The following SHC3 variants were observed in gnomAD, a reference collection of about 807,000 sequenced individuals.
SHC3 encodes SHC adaptor protein 3, also known as SHC-transforming protein 3.
In SHC3, 15 loss-of-function variants were observed where a neutral mutation model predicts 60.4. The observed-to-expected ratio is 0.25, with a 90% CI of 0.17 to 0.38. The LOEUF (loss-of-function observed/expected upper bound fraction) is 0.38. SHC3 is among the 10% of genes least tolerant of loss of function. The pLI is 1.00. For synonymous variants in SHC3, 294 were observed against 325.9 expected (o/e 0.90, Z 1.05); for missense variants, 677 against 786.1 (o/e 0.86, Z 1.66).
chr9:89,073,291 T>A (rs577816929), intron 4 of SHC3, among the ~76,000 whole-genome samples: 2 of 152,350 alleles, frequency 1.3e-5, no homozygotes, highest in African/African-American at 4.8e-5. Context: ...TATTGTGTGA[T>A]TGTATGTTAT....
At chr9:89,094,153 TC>T (rs1825667146) in intron 2 of SHC3, among the ~76,000 whole-genome samples, 1 of 150,500 alleles carries the variant, frequency 6.6e-6, no homozygotes, top group Admixed American at 6.6e-5. Flanking sequence ...CTATGAGACC[TC>T]AACAAATTCA....
chr9:89,163,524 C>T (rs1400648079), intron 1 of SHC3, among the ~76,000 whole-genome samples: 1 of 135,660 alleles, frequency 7.4e-6, no homozygotes, highest in Admixed American at 8.6e-5. Context: ...TATTCTCACT[C>T]ATAGGTGGGA....
At chr9:89,085,426 T>C (rs1825513343) in intron 2 of SHC3, among the ~76,000 whole-genome samples, 1 of 152,196 alleles carries the variant, frequency 6.6e-6, no homozygotes, top group South Asian at 2.1e-4. Context: ...GGCCAGTCTG[T>C]CTCCCGTGCT....
intron 1 of SHC3, among the ~76,000 whole-genome samples, chr9:89,117,783 T>C (rs1233909417): frequency 2.0e-5 from 3 of 152,182 alleles, no homozygotes; most frequent in African/African-American, 7.2e-5. Context: ...ATTTGTTTTA[T>C]TTAATGTTTT....
intron 1 of SHC3, among the ~76,000 whole-genome samples, chr9:89,145,010 A>G (rs1445786263): frequency 6.6e-6 from 1 of 152,226 alleles, no homozygotes; most frequent in Non-Finnish European, 1.5e-5. Flanking sequence ...CATGATGGAG[A>G]GAATTTTTTT....
intron 1 of SHC3, among the ~76,000 whole-genome samples, chr9:89,145,541 T>C (rs1019665042): frequency 2.0e-5 from 3 of 151,668 alleles, no homozygotes; most frequent in African/African-American, 7.3e-5. Context: ...TAAAAGAAAA[T>C]GTAAGAGATA....
chr9:89,128,288 T>C (rs1200057811), intron 1 of SHC3, among the ~76,000 whole-genome samples: 1 of 152,172 alleles, frequency 6.6e-6, no homozygotes, highest in Non-Finnish European at 1.5e-5. Flanking sequence ...GTTTGCTAAA[T>C]GGTTTTAAAG....
At position 89,031,379 on chromosome 9, in the gene SHC3, A is replaced by G. The variant is rs373334592; in HGVS notation, c.1656+6614T>C. 9.2e-5 allele frequency among the ~76,000 whole-genome samples: 14 copies of G among 152,236 alleles called. No homozygotes were observed. The East Asian group carries it at 1.5e-3, about 17-fold the overall frequency. On this transcript the variant is annotated intron_variant, in intron 11 of 11. Transcript: ENST00000375835. ...AAAAGAAATGCCATACCTTTCAGCTATCACCTCCCTGTCCTCCCATCCCTT... is the reference window on the plus strand; with the variant it reads ...AAAAGAAATGCCATACCTTTCAGCTGTCACCTCCCTGTCCTCCCATCCCTT...
chr9:89,099,778 G>C (rs1272576978), intron 2 of SHC3, among the ~76,000 whole-genome samples: 1 of 152,182 alleles, frequency 6.6e-6, no homozygotes, highest in Non-Finnish European at 1.5e-5. Context: ...ATTAACATGT[G>C]AAAAGGGTGC....
chr9:89,120,010 C>G (rs1034419631), intron 1 of SHC3, among the ~76,000 whole-genome samples: 7 of 152,118 alleles, frequency 4.6e-5, no homozygotes, highest in African/African-American at 1.4e-4. Flanking sequence ...AGCAATGCAG[C>G]CTAGCCCAGC....
intron 6 of SHC3, among the ~76,000 whole-genome samples, chr9:89,059,881 C>T (rs1013697637): frequency 2.3e-5 from 3 of 131,428 alleles, no homozygotes; most frequent in Admixed American, 7.7e-5. Flanking sequence ...TGGTGGAGGA[C>T]GTTGCAGAGG....
intron 9 of SHC3, among the ~76,000 whole-genome samples, chr9:89,044,608 G>A (rs1824741869): frequency 6.6e-6 from 1 of 152,106 alleles, no homozygotes; most frequent in Non-Finnish European, 1.5e-5. Flanking sequence ...TTTGAGAAGG[G>A]AAAAAGGTTA....
At chr9:89,013,683 AG>A in intron 11 of SHC3, 108 bp from the exon 12 acceptor site, 1 of 1,458,624 alleles carries the variant, frequency 6.9e-7, no homozygotes, top group Non-Finnish European at 9.2e-7. Context: ...GAAGGAAAGG[AG>A]GGGGGGACAA....
At position 89,008,744 on chromosome 9, in the gene SHC3, G is replaced by C. The variant is rs113218196; in HGVS notation, c.*4703C>G. On this transcript the variant is annotated 3_prime_UTR_variant, in exon 12 of 12. Coordinates refer to ENST00000375835, the MANE Select transcript of SHC3 (RefSeq NM_016848.6). ...GAATAAATACCCCAGCTGTCTCCCC[G>C]CCTTGCTGGGTGAACTCTGGGGTGT... 6.6e-6 allele frequency: 1 copy of C among 152,116 alleles called. No individual in the cohort carries two copies. The highest frequency in any genetic ancestry group is 2.4e-5 in the African/African-American group (1 of 41,416). 9.4% of individuals were successfully genotyped at this position (152,116 alleles called of 1,614,324 possible). A position where few individuals can be genotyped will look rare whatever the true frequency, so the allele number is the denominator to read the frequency against.
intron 2 of SHC3, chr9:89,109,614 G>A (rs1825917419): frequency 1.0e-6 from 1 of 985,470 alleles, no homozygotes; most frequent in Non-Finnish European, 1.2e-6. Flanking sequence ...AAGCTGTGCT[G>A]AGATCTTGTC....
intron 1 of SHC3, among the ~76,000 whole-genome samples, chr9:89,126,357 C>T (rs116133543): frequency 0.019 from 2,897 of 152,250 alleles, 45 homozygotes; most frequent in Middle Eastern, 0.068. Context: ...AGGCCCCATT[C>T]GGTAGAGTCT....
intron 9 of SHC3, among the ~76,000 whole-genome samples, chr9:89,044,602 A>G (rs760111857): frequency 1.3e-5 from 2 of 152,200 alleles, no homozygotes; most frequent in Non-Finnish European, 2.9e-5. Context: ...AATGTTTTTG[A>G]GAAGGGAAAA....
intron 2 of SHC3, among the ~76,000 whole-genome samples, chr9:89,101,447 G>A (rs1319244721): frequency 2.0e-5 from 3 of 151,594 alleles, no homozygotes; most frequent in East Asian, 1.9e-4. Context: ...AAAAGTATTC[G>A]GTTTTTACCA....
chr9:89,132,105 T>C (rs1398736548), intron 1 of SHC3, among the ~76,000 whole-genome samples: 1 of 152,150 alleles, frequency 6.6e-6, no homozygotes, highest in Non-Finnish European at 1.5e-5. Flanking sequence ...AGCATTCCTC[T>C]ACACCATTAA....
Sources: allele counts gnomAD v4.1 joint callset (sites outside exome capture counted in the v4.1 genomes callset), GRCh38; gene constraint gnomAD v4.1.1; transcripts MANE v1.5; gene names NCBI Gene and HGNC (gene_info 2026-07-23, HGNC 2026-07-21).